SCHIP1: variants seen among roughly 807,000 people sequenced by gnomAD.
SCHIP1 encodes schwannomin-interacting protein 1.
A neutral mutation model predicts 29.7 loss-of-function variants in SCHIP1; 8 were observed. The ratio of observed to expected loss-of-function variants is 0.27; its 90% CI spans 0.16 to 0.49. The LOEUF is 0.49. Ranked by LOEUF, SCHIP1 falls within the 20% of genes least tolerant of loss-of-function variation. The pLI is 0.99. For synonymous variants in SCHIP1, 76 were observed against 94.9 expected, an observed-to-expected ratio of 0.80 and a Z score of 1.16; for missense variants, 193 against 294.6, an observed-to-expected ratio of 0.66 and a Z score of 2.52.
At chr3:159,494,798 CAA>C in the SCHIP1 span, among the ~76,000 whole-genome samples, 6 of 150,124 alleles carry the variant, frequency 4.0e-5, no homozygotes, top group Admixed American at 2.0e-4. Context: ...AGAGACACAA[CAA>C]AAAAAAAGAG....
At chr3:159,594,631 A>G in the SCHIP1 span, among the ~76,000 whole-genome samples, 3 of 152,334 alleles carry the variant, frequency 2.0e-5, no homozygotes, top group Admixed American at 2.0e-4. Flanking sequence ...GAATACAGAA[A>G]GCGATGGTGC....
the SCHIP1 span, among the ~76,000 whole-genome samples, chr3:159,558,923 A>G: frequency 6.6e-6 from 1 of 152,144 alleles, no homozygotes; most frequent in Non-Finnish European, 1.5e-5. Context: ...CACTTTTTAT[A>G]AATATAGTAA....
At chr3:159,456,689 C>T in the SCHIP1 span, among the ~76,000 whole-genome samples, 16 of 152,268 alleles carry the variant, frequency 1.1e-4, no homozygotes, top group African/African-American at 2.6e-4. Flanking sequence ...GAGTTTAACA[C>T]GGTAACAGGC....
the SCHIP1 span, among the ~76,000 whole-genome samples, chr3:159,366,322 A>G: frequency 6.6e-6 from 1 of 151,966 alleles, no homozygotes; most frequent in African/African-American, 2.4e-5. Flanking sequence ...CCCACCCACC[A>G]CCAGGTGCCA....
intron 2 of SCHIP1, among the ~76,000 whole-genome samples, chr3:159,866,679 T>A (rs1714665019): frequency 6.6e-6 from 1 of 152,192 alleles, no homozygotes; most frequent in Admixed American, 6.5e-5. Context: ...CACATTTGAT[T>A]GCAATAAATA....
the SCHIP1 span, among the ~76,000 whole-genome samples, chr3:159,483,753 T>A: frequency 1.3e-5 from 2 of 152,318 alleles, no homozygotes; most frequent in Non-Finnish European, 2.9e-5. Flanking sequence ...TATGTATGCA[T>A]GGCTATATAC....
At chr3:159,625,947 G>A in the SCHIP1 span, among the ~76,000 whole-genome samples, 1 of 151,892 alleles carries the variant, frequency 6.6e-6, no homozygotes, top group Non-Finnish European at 1.5e-5. Flanking sequence ...GGAAAAAGAT[G>A]CTGTTAAACC....
chr3:159,793,748 G>A, the SCHIP1 span, among the ~76,000 whole-genome samples: 1 of 152,172 alleles, frequency 6.6e-6, no homozygotes, highest in Non-Finnish European at 1.5e-5. Context: ...ACTAGAGATG[G>A]GGTTTCACCA....
the SCHIP1 span, among the ~76,000 whole-genome samples, chr3:159,808,256 T>C: frequency 6.7e-3 from 1,023 of 152,372 alleles, 4 homozygotes; most frequent in Middle Eastern, 0.044. Context: ...TGTGTTTACA[T>C]TGACACCAAA....
At chr3:159,566,268 CT>C in the SCHIP1 span, among the ~76,000 whole-genome samples, 1 of 152,162 alleles carries the variant, frequency 6.6e-6, no homozygotes, top group Non-Finnish European at 1.5e-5. Flanking sequence ...ATTTGTCCTG[CT>C]TTATTTCACA....
At chr3:159,711,842 T>C in the SCHIP1 span, among the ~76,000 whole-genome samples, 1 of 152,214 alleles carries the variant, frequency 6.6e-6, no homozygotes, top group Admixed American at 6.5e-5. Flanking sequence ...GAATCGGCTC[T>C]GAAGGAAGCT....
chr3:159,456,829 T>C, the SCHIP1 span, among the ~76,000 whole-genome samples: 1 of 152,144 alleles, frequency 6.6e-6, no homozygotes, highest in Admixed American at 6.5e-5. Context: ...ACACACATCA[T>C]AAATAAGTGT....
the SCHIP1 span, among the ~76,000 whole-genome samples, chr3:159,537,027 G>T: frequency 6.6e-6 from 1 of 152,096 alleles, no homozygotes; most frequent in Admixed American, 6.6e-5. Context: ...GGCCATGGTG[G>T]TTTGTTTTGT....
At chr3:159,691,416 C>CTTTTTTTTTTTT in the SCHIP1 span, among the ~76,000 whole-genome samples, 1 of 106,702 alleles carries the variant, frequency 9.4e-6, no homozygotes, top group Non-Finnish European at 1.9e-5. Context: ...GCAACCCCTG[C>CTTTTTTTTTTTT]TTTTTTTTTT....
the SCHIP1 span, among the ~76,000 whole-genome samples, chr3:159,366,301 A>G: frequency 3.3e-4 from 43 of 129,584 alleles, 1 homozygote; most frequent in Middle Eastern, 3.9e-3. Context: ...ATCTGCCCCA[A>G]TGATCCAAAC....
At chr3:159,813,454 C>G in the SCHIP1 span, among the ~76,000 whole-genome samples, 1 of 152,018 alleles carries the variant, frequency 6.6e-6, no homozygotes, top group Non-Finnish European at 1.5e-5. Flanking sequence ...CTCTTGAGCC[C>G]AGGAGGCAGG....
the SCHIP1 span, among the ~76,000 whole-genome samples, chr3:159,579,786 G>A: frequency 6.6e-6 from 1 of 152,088 alleles, no homozygotes; most frequent in Non-Finnish European, 1.5e-5. Context: ...TGTTTAAGAG[G>A]CACATTTTGT....
the SCHIP1 span, among the ~76,000 whole-genome samples, chr3:159,740,771 G>GAAAAAAAAAAAAAAAAAAAAAA: frequency 8.6e-5 from 9 of 104,884 alleles, no homozygotes; most frequent in Non-Finnish European, 1.1e-4. Flanking sequence ...CAAAAAAAAA[G>GAAAAAAAAAAAAAAAAAAAAAA]AAAAAAAAAA....
chr3:159,621,278 A>G, the SCHIP1 span, among the ~76,000 whole-genome samples: 1 of 152,356 alleles, frequency 6.6e-6, no homozygotes, highest in Middle Eastern at 3.4e-3. Flanking sequence ...AACTCTGTAT[A>G]TGCCAAGTAT....
Sources: allele counts gnomAD v4.1 joint callset (sites outside exome capture counted in the v4.1 genomes callset), GRCh38; gene constraint gnomAD v4.1.1; transcripts MANE v1.5; gene names NCBI Gene and HGNC (gene_info 2026-07-23, HGNC 2026-07-21).